The following RBM26 variants were observed in gnomAD, a reference collection of about 807,000 sequenced individuals.
RBM26 encodes RNA binding motif protein 26.
Under a neutral mutation model 123.6 loss-of-function variants are expected in RBM26, and 30 were observed. The ratio of observed to expected loss-of-function variants is 0.24; its 90% CI spans 0.18 to 0.33. The LOEUF is 0.33. RBM26 is among the 10% of genes least tolerant of loss of function. The pLI, the probability that RBM26 is intolerant of heterozygous loss-of-function variation, is 1.00. For synonymous variants in RBM26, 400 were observed against 404.4 expected (o/e 0.99, Z 0.13); for missense variants, 947 against 1,203.6 (o/e 0.79, Z 3.15).
intron 1 of RBM26, among the ~76,000 whole-genome samples, chr13:79,385,541 T>C (rs2077408088): frequency 6.6e-6 from 1 of 152,212 alleles, no homozygotes; most frequent in Non-Finnish European, 1.5e-5. Flanking sequence ...CATCTTACTT[T>C]TAGAACAGTG....
intron 1 of RBM26, among the ~76,000 whole-genome samples, chr13:79,392,279 TATATATAAA>T (rs1467329824): frequency 7.3e-6 from 1 of 136,668 alleles, no homozygotes; most frequent in African/African-American, 2.7e-5. Context: ...ATATATTAAT[TATATATAAA>T]ATATATAATT....
intron 1 of RBM26, among the ~76,000 whole-genome samples, chr13:79,397,153 C>A (rs1019629346): frequency 6.6e-6 from 1 of 151,964 alleles, no homozygotes; most frequent in Non-Finnish European, 1.5e-5. Context: ...TGCACTCCAG[C>A]CTGGGTGAGA....
chr13:79,340,511 A>T (rs2071193048), intron 18 of RBM26, among the ~76,000 whole-genome samples: 1 of 152,062 alleles, frequency 6.6e-6, no homozygotes. Flanking sequence ...TAATGACGTT[A>T]ATGTCTATTT....
chr13:79,359,365 GC>G (rs1379115868), intron 10 of RBM26, among the ~76,000 whole-genome samples: 3 of 152,116 alleles, frequency 2.0e-5, no homozygotes, highest in African/African-American at 7.2e-5. Context: ...AAAAAATTAT[GC>G]CCTGAACTAC....
chr13:79,384,369 C>T (rs531274095), intron 1 of RBM26, among the ~76,000 whole-genome samples: 8 of 151,824 alleles, frequency 5.3e-5, no homozygotes, highest in Admixed American at 5.3e-4. Context: ...GAGATCCTCC[C>T]ACCGCTGCCT....
chr13:79,315,974 G>C (rs2067104596), downstream of RBM26, among the ~76,000 whole-genome samples: 3 of 151,722 alleles, frequency 2.0e-5, no homozygotes, highest in Admixed American at 2.0e-4. Context: ...ACAGGAACAA[G>C]GTAGTTCCTG....
At chr13:79,391,138 T>G (rs2077941775) in intron 1 of RBM26, among the ~76,000 whole-genome samples, 1 of 152,174 alleles carries the variant, frequency 6.6e-6, no homozygotes, top group South Asian at 2.1e-4. Context: ...TGATACTACT[T>G]GAGAAAATAC....
At chr13:79,315,367 C>T (rs1426482660), downstream of RBM26, among the ~76,000 whole-genome samples, 1 of 151,750 alleles carries the variant, frequency 6.6e-6, no homozygotes, top group Non-Finnish European at 1.5e-5. Flanking sequence ...AAAATGAAAA[C>T]AGATACAATC....
Position 79,366,808 on chromosome 13 carries a change from T to C in RBM26, c.960A>G (p.Val320=), listed in dbSNP as rs752420226. 35 of 1,613,618 alleles carry C rather than the reference T, an allele frequency of 2.2e-5. No homozygotes were observed. In the South Asian group the frequency reaches 3.7e-4, roughly 17 times the overall value. The change falls in exon 7 of 22, where the codon GTA becomes GTG. Residue 320 remains valine, a synonymous_variant. Coordinates refer to ENST00000438737, the MANE Select transcript of RBM26 (RefSeq NM_001366735.2). ...GCATACCAGGAAGATTCACATCTTC[T>C]ACAACTACTGGATCACTTCCATGAT... ...PFDHGSDPVV[V]EDVNLPGMLP...
At chr13:79,314,341 TTTG>T (rs2138208292), downstream of RBM26, 1 of 151,786 alleles carries the variant, frequency 6.6e-6, no homozygotes, top group Admixed American at 6.6e-5. Context: ...CAGATCATCA[TTTG>T]TCACTTGGAA....
chr13:79,379,600 T>G (rs866664246), intron 1 of RBM26, among the ~76,000 whole-genome samples: 3 of 150,336 alleles, frequency 2.0e-5, no homozygotes, highest in Non-Finnish European at 4.4e-5. Flanking sequence ...CAAAATAAAC[T>G]TGGAAACATG....
intron 14 of RBM26, among the ~76,000 whole-genome samples, chr13:79,347,442 C>T (rs549257143): frequency 2.0e-5 from 3 of 152,250 alleles, no homozygotes; most frequent in South Asian, 4.1e-4. Context: ...GGAGATTAGA[C>T]AGTTTGGATA....
downstream of RBM26, chr13:79,314,331 C>G (rs1566261100): frequency 6.6e-6 from 1 of 151,676 alleles, no homozygotes; most frequent in Non-Finnish European, 1.5e-5. Context: ...TTATAATCCA[C>G]AGATCATCAT....
chr13:79,374,235 G>C (rs758522152), intron 3 of RBM26, among the ~76,000 whole-genome samples: 2 of 152,148 alleles, frequency 1.3e-5, no homozygotes, highest in Non-Finnish European at 2.9e-5. Flanking sequence ...TTTAAAGGCA[G>C]AGGTGGGTGG....
downstream of RBM26, among the ~76,000 whole-genome samples, chr13:79,316,573 A>T (rs565703537): frequency 6.6e-6 from 1 of 151,936 alleles, no homozygotes; most frequent in East Asian, 1.9e-4. Flanking sequence ...GTCACATTTA[A>T]TCAAATCACA....
chr13:79,404,155 T>C (rs2079301341), intron 1 of RBM26, among the ~76,000 whole-genome samples: 1 of 152,188 alleles, frequency 6.6e-6, no homozygotes, highest in African/African-American at 2.4e-5. Context: ...GACTTCATAC[T>C]TACTGTATTT....
At chr13:79,334,469 T>C (rs768341222) in intron 19 of RBM26, 39 bp from the exon 20 acceptor site, 2 of 1,161,198 alleles carry the variant, frequency 1.7e-6, no homozygotes, top group South Asian at 1.5e-5. Flanking sequence ...CAAATAAATA[T>C]TTTGAAATAT....
chr13:79,386,590 TTA>T (rs2077506223), intron 1 of RBM26, among the ~76,000 whole-genome samples: 2 of 22,084 alleles, frequency 9.1e-5, no homozygotes, highest in Non-Finnish European at 3.3e-4. Flanking sequence ...AACTCTCTCT[TTA>T]AAAAAAAAAA....
chr13:79,362,885 C>T (rs1046040501), intron 9 of RBM26, among the ~76,000 whole-genome samples: 1 of 152,130 alleles, frequency 6.6e-6, no homozygotes, highest in Admixed American at 6.6e-5. Flanking sequence ...AAGCAAGTTC[C>T]TCTTGGTATA....
Sources: allele counts gnomAD v4.1 joint callset (sites outside exome capture counted in the v4.1 genomes callset), GRCh38; gene constraint gnomAD v4.1.1; transcripts MANE v1.5; gene names NCBI Gene and HGNC (gene_info 2026-07-23, HGNC 2026-07-21).